HS6ST3: variants seen among roughly 807,000 people sequenced by gnomAD.
HS6ST3 encodes the protein heparan-sulfate 6-O-sulfotransferase 3.
In HS6ST3, 12 loss-of-function variants were observed where a neutral mutation model predicts 36.7. The observed-to-expected ratio is 0.33, with a 90% confidence interval of 0.21 to 0.53. The LOEUF (loss-of-function observed/expected upper bound fraction) is 0.53. HS6ST3 is among the 20% of genes least tolerant of loss of function. HS6ST3 has a pLI of 0.95. For synonymous variants in HS6ST3, 240 were observed against 257.5 expected, an observed-to-expected ratio of 0.93 and a Z score of 0.65; for missense variants, 584 against 640.9, an observed-to-expected ratio of 0.91 and a Z score of 0.96.
At chr13:96,426,434 T>C (rs964553786) in intron 1 of HS6ST3, among the ~76,000 whole-genome samples, 11 of 152,218 alleles carry the variant, frequency 7.2e-5, no homozygotes, top group Non-Finnish European at 1.2e-4. Flanking sequence ...TCATTGCAGC[T>C]TTCTTGATGT....
intron 1 of HS6ST3, among the ~76,000 whole-genome samples, chr13:96,458,840 G>A (rs1028677404): frequency 2.0e-5 from 3 of 152,122 alleles, no homozygotes; most frequent in South Asian, 2.1e-4. Flanking sequence ...GGTGGCTCAC[G>A]CCTATAATCC....
intron 1 of HS6ST3, among the ~76,000 whole-genome samples, chr13:96,168,288 C>T (rs781367750): frequency 1.4e-4 from 21 of 152,138 alleles, no homozygotes; most frequent in Non-Finnish European, 2.8e-4. Context: ...TTAAGACACA[C>T]GAGTCCTTTC....
rs568176459 is a variant in HS6ST3 at position 96,804,617 on chromosome 13, CA to C, written c.708-27872del. Among the ~76,000 whole-genome samples, 10 of 152,038 alleles carry C rather than the reference CA, an allele frequency of 6.6e-5. No homozygotes were observed. The East Asian group carries it at 1.7e-3, about 26-fold the overall frequency. ...GTTACCTACAAAACCTGCAAAGAATCATTTTTTTTTTTAGCGATTGTGATGT... is the reference window on the plus strand; with the variant it reads ...GTTACCTACAAAACCTGCAAAGAATCTTTTTTTTTTTAGCGATTGTGATGT... On this transcript the variant is annotated intron_variant, in intron 1 of 1. Transcript: ENST00000376705.
intron 1 of HS6ST3, among the ~76,000 whole-genome samples, chr13:96,787,086 A>G (rs2138517763): frequency 6.6e-6 from 1 of 152,226 alleles, no homozygotes; most frequent in South Asian, 2.1e-4. Flanking sequence ...GCAACATTCC[A>G]TTGTATGGAT....
chr13:96,347,096 C>T (rs114305163), intron 1 of HS6ST3, among the ~76,000 whole-genome samples: 1,738 of 152,208 alleles, frequency 0.011, 35 homozygotes, highest in African/African-American at 0.04. Flanking sequence ...GCTTTGGCTG[C>T]CACCTTCATT....
intron 1 of HS6ST3, among the ~76,000 whole-genome samples, chr13:96,481,006 T>A (rs2055887743): frequency 6.6e-6 from 1 of 152,240 alleles, no homozygotes; most frequent in Non-Finnish European, 1.5e-5. Context: ...GATTGATTAA[T>A]CACAAAAATA....
chr13:96,495,275 A>G (rs1269667141), intron 1 of HS6ST3, among the ~76,000 whole-genome samples: 1 of 152,254 alleles, frequency 6.6e-6, no homozygotes, highest in Non-Finnish European at 1.5e-5. Flanking sequence ...CCATATCATG[A>G]GGATTTTTAT....
intron 1 of HS6ST3, among the ~76,000 whole-genome samples, chr13:96,653,728 G>A (rs2056615262): frequency 6.6e-6 from 1 of 152,086 alleles, no homozygotes; most frequent in African/African-American, 2.4e-5. Flanking sequence ...AGAACCAGTA[G>A]TGGGATTGCT....
intron 1 of HS6ST3, among the ~76,000 whole-genome samples, chr13:96,508,260 A>C (rs1287833483): frequency 2.0e-5 from 3 of 152,056 alleles, no homozygotes; most frequent in Admixed American, 6.6e-5. Flanking sequence ...TCTTTCTACT[A>C]TAAGTTTTCT....
rs78329751 is a variant in HS6ST3 at position 96,296,094 on chromosome 13, G to A, written c.707+204525G>A. 5.3e-5 allele frequency among the ~76,000 whole-genome samples: 8 copies of A among 152,058 alleles called. No individual in the cohort carries two copies. In the South Asian group the frequency reaches 6.2e-4, roughly 12 times the overall value. ...AAAATTAAAATTCAGTTTTGCATTC[G>A]CACTAGCCACATTTCAAGTGCTCCA... On this transcript the variant is annotated intron_variant, in intron 1 of 1. Coordinates refer to ENST00000376705, the MANE Select transcript of HS6ST3 (RefSeq NM_153456.4).
At chr13:96,645,062 AT>A (rs879580531) in intron 1 of HS6ST3, among the ~76,000 whole-genome samples, 16 of 151,374 alleles carry the variant, frequency 1.1e-4, no homozygotes, top group South Asian at 2.1e-4. Flanking sequence ...AGGCCTAATG[AT>A]TTTTTTTTAA....
intron 1 of HS6ST3, among the ~76,000 whole-genome samples, chr13:96,693,100 C>G (rs1453608435): frequency 6.6e-6 from 1 of 152,116 alleles, no homozygotes; most frequent in African/African-American, 2.4e-5. Context: ...AATACTCACC[C>G]TTCTTCTATT....
intron 1 of HS6ST3, among the ~76,000 whole-genome samples, chr13:96,671,194 A>C (rs1415734915): frequency 6.6e-6 from 1 of 152,086 alleles, no homozygotes; most frequent in Admixed American, 6.6e-5. Context: ...CATTGTTAGG[A>C]ATGCTCCAAG....
At chr13:96,315,689 T>TA (rs535435168) in intron 1 of HS6ST3, among the ~76,000 whole-genome samples, 23 of 137,560 alleles carry the variant, frequency 1.7e-4, no homozygotes, top group Middle Eastern at 4.1e-3. Flanking sequence ...CATTTTTTTT[T>TA]AAAAAAAGGA....
At chr13:96,478,862 G>A (rs971288881) in intron 1 of HS6ST3, among the ~76,000 whole-genome samples, 5 of 152,164 alleles carry the variant, frequency 3.3e-5, no homozygotes, top group Non-Finnish European at 7.3e-5. Flanking sequence ...TGGTAGAAGA[G>A]GAGTGTAAAG....
Position 96,728,716 on chromosome 13 carries a change from A to G in HS6ST3, c.708-103774A>G, listed in dbSNP as rs72645515. Among the ~76,000 whole-genome samples the G allele has an allele frequency of 4.0e-3, 609 of 152,310 alleles. 6 individuals are homozygous for G. The highest frequency in any genetic ancestry group is 7.4e-3 in the Admixed American group (114 of 15,306). Reference sequence around the variant, plus strand: ...GTCAATGTGGCACCTTCCCATAATCATGATTTTAATCAATCATCCCTGTTC... The same window carrying G: ...GTCAATGTGGCACCTTCCCATAATCGTGATTTTAATCAATCATCCCTGTTC... On this transcript the variant is annotated intron_variant, in intron 1 of 1. Transcript: ENST00000376705.
At chr13:96,655,937 T>C (rs1453805613) in intron 1 of HS6ST3, among the ~76,000 whole-genome samples, 2 of 152,144 alleles carry the variant, frequency 1.3e-5, no homozygotes, top group African/African-American at 4.8e-5. Flanking sequence ...TTCATGATAG[T>C]AAAATATGTC....
intron 1 of HS6ST3, among the ~76,000 whole-genome samples, chr13:96,654,070 G>A (rs1296416757): frequency 6.6e-6 from 1 of 150,626 alleles, no homozygotes; most frequent in African/African-American, 2.4e-5. Flanking sequence ...TTTTTTACTT[G>A]TAAATTTGTT....
At chr13:96,121,011 G>T (rs1040904945) in intron 1 of HS6ST3, among the ~76,000 whole-genome samples, 6 of 152,180 alleles carry the variant, frequency 3.9e-5, no homozygotes, top group Non-Finnish European at 8.8e-5. Context: ...TAGGAAAAGT[G>T]CCTAATTAAA....
Sources: allele counts gnomAD v4.1 joint callset (sites outside exome capture counted in the v4.1 genomes callset), GRCh38; gene constraint gnomAD v4.1.1; transcripts MANE v1.5; gene names NCBI Gene and HGNC (gene_info 2026-07-23, HGNC 2026-07-21).